CNBD1: variants seen among roughly 807,000 people sequenced by gnomAD.
CNBD1 encodes the protein cyclic nucleotide-binding domain-containing protein 1.
A neutral mutation model predicts 54.4 loss-of-function variants in CNBD1; 71 were observed. That is an observed-to-expected ratio of 1.30 (90% CI 1.08 to 1.59). CNBD1 has a LOEUF of 1.59. CNBD1 is among the 40% of genes most tolerant of loss of function. The pLI, the probability that CNBD1 is intolerant of heterozygous loss-of-function variation, is 0.00. For synonymous variants in CNBD1, 182 were observed against 170.7 expected, an observed-to-expected ratio of 1.07 and a Z score of -0.51; for missense variants, 659 against 518.0, an observed-to-expected ratio of 1.27 and a Z score of -2.64.
chr8:86,988,141 AG>A (rs1808651470), intron 4 of CNBD1, among the ~76,000 whole-genome samples: 1 of 63,114 alleles, frequency 1.6e-5, no homozygotes, highest in Admixed American at 2.3e-4. Context: ...TTTGGTTGAT[AG>A]GTTTTTTTTT....
intron 2 of CNBD1, among the ~76,000 whole-genome samples, chr8:87,389,460 G>A (rs1811263249): frequency 6.6e-6 from 1 of 152,058 alleles, no homozygotes; most frequent in African/African-American, 2.4e-5. Context: ...ACCAATAACA[G>A]ACAAACAGAG....
chr8:87,357,153 T>C (rs1810435712), intron 10 of CNBD1, among the ~76,000 whole-genome samples: 1 of 152,086 alleles, frequency 6.6e-6, no homozygotes, highest in African/African-American at 2.4e-5. Flanking sequence ...GAGAGAAGGC[T>C]CCTGCAGGGG....
chr8:87,178,600 G>A (rs1306251004), intron 4 of CNBD1, among the ~76,000 whole-genome samples: 33 of 152,140 alleles, frequency 2.2e-4, no homozygotes, highest in Admixed American at 2.1e-3. Flanking sequence ...GGAATCTAGC[G>A]ACAAACCTGA....
chr8:87,226,490 C>A (rs1191467254), intron 5 of CNBD1, among the ~76,000 whole-genome samples: 9 of 128,766 alleles, frequency 7.0e-5, no homozygotes, highest in Non-Finnish European at 1.3e-4. Context: ...GCCTTCATTT[C>A]GTTATGTACC....
chr8:87,180,258 G>A (rs552930617), intron 4 of CNBD1, among the ~76,000 whole-genome samples: 8 of 152,066 alleles, frequency 5.3e-5, no homozygotes, highest in African/African-American at 1.9e-4. Flanking sequence ...AGCATGAATT[G>A]GTTGTTTGCA....
chr8:87,025,550 C>T lies in CNBD1; in HGVS notation c.431+85796C>T, dbSNP rs151000687. 4.3e-3 allele frequency among the ~76,000 whole-genome samples: 652 copies of T among 152,004 alleles called. 5 individuals carry two copies. The highest frequency in any genetic ancestry group is 0.015 in the African/African-American group (621 of 41,426). ...TCTGCAGCTTTACTCTTGAAATCAG[C>T]GAGACCGCGAACCCACCAGGTGGAA... is the stretch of plus-strand genomic sequence containing the variant. On this transcript the variant is annotated intron_variant, in intron 4 of 10. Transcript: ENST00000518476.
Position 87,284,726 on chromosome 8 carries a change from G to T in CNBD1, c.820G>T (p.Glu274Ter), listed in dbSNP as rs1014746077. ...FGTLEVMPQNESETQMFSVVT... is the reference protein window; with the variant it reads ...FGTLEVMPQN ...GACTCTGGAAGTTATGCCTCAGAATGAATCGGAAACACAGATGTTCTCGGT... is the reference window on the plus strand; with the variant it reads ...GACTCTGGAAGTTATGCCTCAGAATTAATCGGAAACACAGATGTTCTCGGT... Residue 274 changes from glutamate to a stop codon, truncating the protein, a stop_gained, in exon 7 of 11, where the codon GAA becomes TAA. Coordinates refer to ENST00000518476, the MANE Select transcript of CNBD1 (RefSeq NM_173538.3). LOFTEE classifies it high-confidence loss of function. 1.2e-6 allele frequency: 2 copies of T among 1,605,410 alleles called. No individual in the cohort carries two copies. The highest frequency in any genetic ancestry group is 1.3e-5 in the African/African-American group (1 of 74,538).
downstream of CNBD1, among the ~76,000 whole-genome samples, chr8:87,385,582 C>A (rs972664214): frequency 2.0e-5 from 3 of 152,168 alleles, no homozygotes; most frequent in East Asian, 1.9e-4. Flanking sequence ...GGGCGCCCAC[C>A]GTTGCCGAGG....
At chr8:87,006,445 A>G (rs111502878) in intron 4 of CNBD1, among the ~76,000 whole-genome samples, 2,764 of 152,234 alleles carry the variant, frequency 0.018, 39 homozygotes, top group South Asian at 0.055. Flanking sequence ...TAAAGAAAAG[A>G]GGTTTAATTG....
intron 6 of CNBD1, among the ~76,000 whole-genome samples, chr8:87,271,296 C>A (rs191654492): frequency 1.9e-4 from 29 of 151,452 alleles, no homozygotes; most frequent in Non-Finnish European, 1.0e-4. Flanking sequence ...TTTGTTATTT[C>A]CTTTCTTGCT....
chr8:87,157,674 C>T (rs562027243), intron 4 of CNBD1, among the ~76,000 whole-genome samples: 1 of 152,170 alleles, frequency 6.6e-6, no homozygotes, highest in Admixed American at 6.5e-5. Context: ...CCCAGGGCTC[C>T]TCCTGCCAAA....
At position 87,310,053 on chromosome 8, in the gene CNBD1, C is replaced by A. The variant is rs182036482; in HGVS notation, c.1042+23382C>A. On this transcript the variant is annotated intron_variant, in intron 8 of 10. Transcript: ENST00000518476. Reference sequence around the variant, plus strand: ...TACCAATAATGTTCAAGCTGAGAACCAAATCAAGAATGCAATCCCAGACAG... The same window carrying A: ...TACCAATAATGTTCAAGCTGAGAACAAAATCAAGAATGCAATCCCAGACAG... Among the ~76,000 whole-genome samples the A allele has an allele frequency of 4.7e-3, 718 of 152,064 alleles. 3 individuals carry two copies. Among genetic ancestry groups the A allele is most frequent in the Non-Finnish European group, 8.0e-3 (545 of 67,960 alleles).
chr8:87,318,873 G>A (rs775241413), intron 8 of CNBD1, among the ~76,000 whole-genome samples: 11 of 152,060 alleles, frequency 7.2e-5, no homozygotes, highest in Non-Finnish European at 1.2e-4. Context: ...TTCTTTGGAA[G>A]TAGCATCTTA....
chr8:87,401,610 G>A (rs1473941796), intron 2 of CNBD1, among the ~76,000 whole-genome samples: 1 of 152,004 alleles, frequency 6.6e-6, no homozygotes, highest in African/African-American at 2.4e-5. Flanking sequence ...TTCAGTTAGA[G>A]GTTGCTGGGC....
chr8:87,152,502 G>C (rs1586292837), intron 4 of CNBD1, among the ~76,000 whole-genome samples: 1 of 151,610 alleles, frequency 6.6e-6, no homozygotes, highest in Non-Finnish European at 1.5e-5. Context: ...ACAAATTTGT[G>C]TTGGGCCATA....
rs534630117 is a variant in CNBD1 at position 87,245,071 on chromosome 8, T to C, written c.771+7959T>C. On this transcript the variant is annotated intron_variant, in intron 6 of 10. Coordinates refer to ENST00000518476, the MANE Select transcript of CNBD1 (RefSeq NM_173538.3). ...AATGGAATTGGAACTTAACATCTAA[T>C]TGTCTCTCCGATCATCGAAACATTT... Among the ~76,000 whole-genome samples the C allele has an allele frequency of 2.0e-3, 306 of 152,182 alleles. 3 individuals carry two copies. The highest frequency in any genetic ancestry group is 7.1e-3 in the African/African-American group (297 of 41,564).
At chr8:87,118,695 C>T (rs1472628994) in intron 4 of CNBD1, among the ~76,000 whole-genome samples, 4 of 152,058 alleles carry the variant, frequency 2.6e-5, no homozygotes, top group Non-Finnish European at 5.9e-5. Context: ...AATGAACGTT[C>T]GTTATATATT....
chr8:87,208,850 A>G (rs1814032960), intron 5 of CNBD1, among the ~76,000 whole-genome samples: 1 of 152,034 alleles, frequency 6.6e-6, no homozygotes, highest in South Asian at 2.1e-4. Context: ...AAACTCCGTA[A>G]TTCCTCATTT....
At chr8:87,052,366 A>G (rs574633851) in intron 4 of CNBD1, among the ~76,000 whole-genome samples, 1 of 152,230 alleles carries the variant, frequency 6.6e-6, no homozygotes, top group Non-Finnish European at 1.5e-5. Flanking sequence ...GATCTGTTTC[A>G]GTAAAGCTTC....
Sources: allele counts gnomAD v4.1 joint callset (sites outside exome capture counted in the v4.1 genomes callset), GRCh38; gene constraint gnomAD v4.1.1; transcripts MANE v1.5; gene names NCBI Gene and HGNC (gene_info 2026-07-23, HGNC 2026-07-21).